The following PIGL variants were observed in gnomAD, a reference collection of about 807,000 sequenced individuals.
PIGL encodes N-acetylglucosaminyl-phosphatidylinositol de-N-acetylase.
A neutral mutation model predicts 31.1 loss-of-function variants in PIGL; 22 were observed. The ratio of observed to expected loss-of-function variants is 0.71; its 90% CI spans 0.51 to 1.01. The LOEUF is 1.01. Among genes scored for constraint, PIGL ranks in the 50% least tolerant of loss-of-function variants. The probability of loss-of-function intolerance (pLI) is 0.00; values close to 1 mark genes in which losing one functional copy is unlikely to be tolerated. For synonymous variants in PIGL, 131 were observed against 117.4 expected (o/e 1.12, Z -0.75); for missense variants, 302 against 315.9 (o/e 0.96, Z 0.33).
At chr17:16,262,034 T>C (rs566313173) in intron 2 of PIGL, among the ~76,000 whole-genome samples, 1 of 151,874 alleles carries the variant, frequency 6.6e-6, no homozygotes, top group East Asian at 2.0e-4. Context: ...ACCAGCCTGG[T>C]CGACATGGTG....
At chr17:16,231,232 CTTT>C (rs975246766) in intron 1 of PIGL, among the ~76,000 whole-genome samples, 2 of 126,480 alleles carry the variant, frequency 1.6e-5, no homozygotes, top group Non-Finnish European at 1.7e-5. Context: ...ATTTTCTTTT[CTTT>C]TTTTTTTTTT....
chr17:16,250,365 A>C (rs974556818), intron 2 of PIGL, among the ~76,000 whole-genome samples: 1 of 152,176 alleles, frequency 6.6e-6, no homozygotes, highest in Non-Finnish European at 1.5e-5. Context: ...ACCATCTGCT[A>C]TTTCAGGTAT....
chr17:16,274,583 C>T (rs1224396780), intron 2 of PIGL, among the ~76,000 whole-genome samples: 29 of 150,916 alleles, frequency 1.9e-4, no homozygotes, highest in Admixed American at 1.7e-3. Flanking sequence ...ATTAGCCGGG[C>T]GTGGTGGCAG....
chr17:16,270,337 C>T (rs990885031), intron 2 of PIGL, among the ~76,000 whole-genome samples: 1 of 151,766 alleles, frequency 6.6e-6, no homozygotes, highest in Non-Finnish European at 1.5e-5. Context: ...TGTCATTCTC[C>T]AATCTTCCCA....
intron 6 of PIGL, 103 bp from the exon 7 acceptor site, chr17:16,325,697 A>G (rs1227001687): frequency 1.2e-6 from 1 of 841,214 alleles, no homozygotes; most frequent in Non-Finnish European, 2.0e-6. Context: ...AGCATGAAGC[A>G]TATTAGTTCG....
At chr17:16,254,747 G>A (rs112774689) in intron 2 of PIGL, among the ~76,000 whole-genome samples, 56 of 152,202 alleles carry the variant, frequency 3.7e-4, no homozygotes, top group African/African-American at 1.3e-3. Context: ...TGGGACTACA[G>A]GCGCCCACCA....
At chr17:16,318,366 G>A (rs2093087750) in intron 6 of PIGL, among the ~76,000 whole-genome samples, 2 of 151,628 alleles carry the variant, frequency 1.3e-5, no homozygotes, top group Non-Finnish European at 2.9e-5. Flanking sequence ...CGCCTCCTGG[G>A]TTCAAGTGAT....
intron 2 of PIGL, among the ~76,000 whole-genome samples, chr17:16,271,100 C>T (rs1323870440): frequency 1.3e-5 from 2 of 152,060 alleles, no homozygotes; most frequent in African/African-American, 2.4e-5. Flanking sequence ...TATTGTGATT[C>T]TAAGGCATCT....
intron 1 of PIGL, 119 bp downstream of exon 1, chr17:16,217,580 G>T: frequency 1.3e-6 from 1 of 796,926 alleles, no homozygotes; most frequent in Non-Finnish European, 2.0e-6. Context: ...ATACACCGAA[G>T]GTCTTACCTC....
At chr17:16,303,690 C>T (rs181170277) in intron 3 of PIGL, among the ~76,000 whole-genome samples, 1 of 151,096 alleles carries the variant, frequency 6.6e-6, no homozygotes, top group East Asian at 1.9e-4. Context: ...AGGTGCATGC[C>T]ACCACGCCCA....
chr17:16,269,300 A>G (rs1242946183), intron 2 of PIGL, among the ~76,000 whole-genome samples: 4 of 152,172 alleles, frequency 2.6e-5, no homozygotes, highest in Non-Finnish European at 5.9e-5. Context: ...CAGACTGACT[A>G]GAGTGGTGTT....
intron 5 of PIGL, chr17:16,317,457 C>G: frequency 9.3e-7 from 1 of 1,078,714 alleles, no homozygotes; most frequent in Non-Finnish European, 1.1e-6. Context: ...CTCTAAACTC[C>G]CAATACAGTA....
At chr17:16,270,624 C>G (rs1260514729) in intron 2 of PIGL, among the ~76,000 whole-genome samples, 1 of 151,944 alleles carries the variant, frequency 6.6e-6, no homozygotes, top group Non-Finnish European at 1.5e-5. Flanking sequence ...AGGCCAGGCA[C>G]AGTGGCTCAC....
intron 2 of PIGL, among the ~76,000 whole-genome samples, chr17:16,292,317 G>T (rs1174865598): frequency 1.3e-5 from 2 of 151,594 alleles, no homozygotes; most frequent in African/African-American, 4.8e-5. Context: ...CAATGTGCCC[G>T]GCTGGAATGG....
chr17:16,267,150 A>G (rs2092847693), intron 2 of PIGL, among the ~76,000 whole-genome samples: 1 of 152,210 alleles, frequency 6.6e-6, no homozygotes, highest in African/African-American at 2.4e-5. Context: ...TAAACAATTA[A>G]CACATATTTT....
chr17:16,291,595 G>C (rs573207412), intron 2 of PIGL, among the ~76,000 whole-genome samples: 1 of 151,678 alleles, frequency 6.6e-6, no homozygotes, highest in South Asian at 2.1e-4. Flanking sequence ...GCTGGGCGCA[G>C]TGGCTCACAC....
chr17:16,277,944 C>T (rs1221032108), intron 2 of PIGL, among the ~76,000 whole-genome samples: 1 of 152,136 alleles, frequency 6.6e-6, no homozygotes, highest in Non-Finnish European at 1.5e-5. Context: ...ACAAATACAG[C>T]CCAAAGAAAG....
chr17:16,283,440 C>G (rs2092924769), intron 2 of PIGL, among the ~76,000 whole-genome samples: 2 of 152,104 alleles, frequency 1.3e-5, no homozygotes, highest in Admixed American at 1.3e-4. Flanking sequence ...TGCACTCCAG[C>G]CTGGATGACA....
At chr17:16,217,599 T>A in intron 1 of PIGL, 138 bp downstream of exon 1, 1 of 691,674 alleles carries the variant, frequency 1.4e-6, no homozygotes, top group Non-Finnish European at 2.4e-6. Context: ...TCTGAACCCC[T>A]CACAGCCTAG....
Sources: gnomAD v4.1 joint callset for allele counts (sites outside exome capture counted in the v4.1 genomes callset) on GRCh38, gnomAD v4.1.1 for gene constraint, MANE v1.5 for transcripts, NCBI Gene and HGNC (gene_info 2026-07-23, HGNC 2026-07-21) for gene names.